Variants in SERPINI2 observed in about 807,000 individuals in gnomAD.
SERPINI2 encodes serpin I2.
Under a neutral mutation model 47.3 loss-of-function variants are expected in SERPINI2, and 48 were observed. The observed-to-expected ratio is 1.02, with a 90% CI of 0.81 to 1.29. The LOEUF (loss-of-function observed/expected upper bound fraction) is 1.29, where lower values mean the gene tolerates loss of function less well. Among genes scored for constraint, SERPINI2 ranks in the 50% most tolerant of loss-of-function variants. The pLI is 0.00. For missense variants in SERPINI2, 448 were observed against 456.9 expected (o/e 0.98, Z 0.18); for synonymous variants, 135 against 149.3 (o/e 0.90, Z 0.70).
At chr3:167,472,673 A>G (rs902513194) in intron 1 of SERPINI2, among the ~76,000 whole-genome samples, 3 of 151,928 alleles carry the variant, frequency 2.0e-5, no homozygotes, top group African/African-American at 7.2e-5. Flanking sequence ...AGAAATACTA[A>G]CAAATGTAAG....
intron 2 of SERPINI2, among the ~76,000 whole-genome samples, chr3:167,468,228 A>G (rs1026721577): frequency 6.6e-6 from 1 of 152,138 alleles, no homozygotes; most frequent in African/African-American, 2.4e-5. Context: ...TAAAATTGAT[A>G]TATTCAATTA....
intron 7 of SERPINI2, among the ~76,000 whole-genome samples, chr3:167,448,601 C>T (rs1009580533): frequency 1.3e-5 from 2 of 152,144 alleles, no homozygotes; most frequent in Admixed American, 1.3e-4. Context: ...AGGCTCACTA[C>T]AAGCTCTGCC....
chr3:167,460,349 T>G (rs1487657582), intron 5 of SERPINI2, among the ~76,000 whole-genome samples: 1 of 152,226 alleles, frequency 6.6e-6, no homozygotes, highest in East Asian at 1.9e-4. Flanking sequence ...CAAACACATA[T>G]TTTAAACGGG....
intron 5 of SERPINI2, among the ~76,000 whole-genome samples, chr3:167,455,064 C>G (rs929612483): frequency 1.3e-5 from 2 of 152,134 alleles, no homozygotes; most frequent in African/African-American, 4.8e-5. Flanking sequence ...CCATATTGGT[C>G]AATATATATA....
intron 6 of SERPINI2, among the ~76,000 whole-genome samples, chr3:167,449,843 T>C (rs1749595572): frequency 6.6e-6 from 1 of 152,246 alleles, no homozygotes; most frequent in African/African-American, 2.4e-5. Flanking sequence ...AATGAACTTT[T>C]TCCTATTTAG....
At chr3:167,470,983 T>C (rs1165985657) in intron 2 of SERPINI2, among the ~76,000 whole-genome samples, 1 of 152,136 alleles carries the variant, frequency 6.6e-6, no homozygotes, top group Admixed American at 6.6e-5. Context: ...TAAATCCTTT[T>C]TTTTCCATTT....
chr3:167,470,708 C>T (rs1750290359), intron 2 of SERPINI2, among the ~76,000 whole-genome samples: 1 of 151,788 alleles, frequency 6.6e-6, no homozygotes, highest in African/African-American at 2.4e-5. Context: ...ACTATAGGCA[C>T]ATGCCACCAT....
At chr3:167,462,041 A>T (rs1163922775) in intron 5 of SERPINI2, among the ~76,000 whole-genome samples, 1 of 152,210 alleles carries the variant, frequency 6.6e-6, no homozygotes, top group Non-Finnish European at 1.5e-5. Flanking sequence ...GGAGGTGTAA[A>T]GATAACTCTT....
chr3:167,457,182 AC>A (rs1161230505), intron 5 of SERPINI2, among the ~76,000 whole-genome samples: 1 of 152,238 alleles, frequency 6.6e-6, no homozygotes. Context: ...GTAGTGCTTA[AC>A]AAGTTTAAAG....
chr3:167,456,150 C>G (rs368136371), intron 5 of SERPINI2, among the ~76,000 whole-genome samples: 3 of 144,406 alleles, frequency 2.1e-5, no homozygotes, highest in Non-Finnish European at 4.5e-5. Flanking sequence ...TCAATTACCT[C>G]TGTGTGTGTG....
At chr3:167,474,218 T>A, upstream of SERPINI2, 1 of 671,066 alleles carries the variant, frequency 1.5e-6, no homozygotes, top group Non-Finnish European at 1.8e-6. Context: ...GTGCAAGAAT[T>A]GAGAAAAAAA....
At chr3:167,453,257 C>A (rs976533574) in intron 5 of SERPINI2, among the ~76,000 whole-genome samples, 2 of 151,254 alleles carry the variant, frequency 1.3e-5, no homozygotes, top group African/African-American at 4.9e-5. Flanking sequence ...AAAGAGGGAA[C>A]AGAAATTGCA....
At chr3:167,448,128 A>C (rs1212982801) in intron 7 of SERPINI2, among the ~76,000 whole-genome samples, 1 of 152,200 alleles carries the variant, frequency 6.6e-6, no homozygotes, top group Non-Finnish European at 1.5e-5. Context: ...GCTTTTTTCT[A>C]ATTATTTTTC....
At chr3:167,442,124 A>T in exon 9 of SERPINI2, 1 of 1,604,348 alleles carries the variant, frequency 6.2e-7, no homozygotes, top group Non-Finnish European at 8.5e-7. Context: ...GTGAATCTAA[A>T]TCTCTTCCTT....
chr3:167,452,401 T>C (rs1164200115), intron 6 of SERPINI2, among the ~76,000 whole-genome samples: 1 of 152,206 alleles, frequency 6.6e-6, no homozygotes, highest in Non-Finnish European at 1.5e-5. Flanking sequence ...TGATGCGAGT[T>C]AGCATAAGAG....
intron 5 of SERPINI2, among the ~76,000 whole-genome samples, chr3:167,458,615 G>A (rs962691466): frequency 3.3e-5 from 5 of 151,918 alleles, no homozygotes; most frequent in African/African-American, 1.2e-4. Flanking sequence ...ATCAATAGGT[G>A]GTAACCATCT....
chr3:167,474,346 T>TAA (rs1172992663), upstream of SERPINI2, among the ~76,000 whole-genome samples: 2 of 151,796 alleles, frequency 1.3e-5, no homozygotes, highest in Admixed American at 6.6e-5. Context: ...AATTTGCTAG[T>TAA]AATTAGTTCT....
At chr3:167,472,117 C>A (rs1051631829) in intron 1 of SERPINI2, among the ~76,000 whole-genome samples, 1 of 152,048 alleles carries the variant, frequency 6.6e-6, no homozygotes, top group Non-Finnish European at 1.5e-5. Context: ...GGAATGTTAT[C>A]AATGGCAATG....
intron 5 of SERPINI2, among the ~76,000 whole-genome samples, chr3:167,462,712 G>T (rs1750019042): frequency 1.3e-5 from 2 of 152,150 alleles, no homozygotes; most frequent in South Asian, 4.1e-4. Flanking sequence ...ACACTGTGGG[G>T]GTAGTATGGG....
Sources: gnomAD v4.1 joint callset for allele counts (sites outside exome capture counted in the v4.1 genomes callset) on GRCh38, gnomAD v4.1.1 for gene constraint, MANE v1.5 for transcripts, NCBI Gene and HGNC (gene_info 2026-07-23, HGNC 2026-07-21) for gene names.